Variants in GPC6 observed in about 807,000 individuals in gnomAD.
GPC6 encodes glypican 6.
GPC6 carries 14 observed loss-of-function variants against 55.2 expected under a neutral mutation model. The observed-to-expected ratio is 0.25, with a 90% CI of 0.17 to 0.40. GPC6 has a LOEUF of 0.40. Ranked by LOEUF, GPC6 falls within the 10% of genes least tolerant of loss-of-function variation. The pLI is 1.00. For synonymous variants in GPC6, 278 were observed against 259.6 expected (o/e 1.07, Z -0.68); for missense variants, 641 against 708.5 (o/e 0.90, Z 1.08).
chr13:94,306,107 C>A lies in GPC6; in HGVS notation c.1136C>A (p.Thr379Lys), dbSNP rs778146293. 6 of 1,614,070 alleles carry A rather than the reference C, an allele frequency of 3.7e-6. No individual in the cohort carries two copies. Among genetic ancestry groups the A allele is most frequent in the Admixed American group, 3.3e-5 (2 of 60,006 alleles). Residue 379 changes from threonine (T) to lysine (K), a missense_variant, in exon 6 of 9, where the codon ACA becomes AAA. Coordinates refer to ENST00000377047, the MANE Select transcript of GPC6 (RefSeq NM_005708.5). ...PEERPTTAAGTSLDRLVTDIK... is the reference protein window; with the variant it reads ...PEERPTTAAGKSLDRLVTDIK... ...GAAAGACCAACAACTGCTGCAGGCACAAGCTTGGACCGGCTGGTGAGTATT... is the reference window on the plus strand; with the variant it reads ...GAAAGACCAACAACTGCTGCAGGCAAAAGCTTGGACCGGCTGGTGAGTATT...
At chr13:94,212,916 G>T (rs1270301085) in intron 4 of GPC6, among the ~76,000 whole-genome samples, 1 of 152,318 alleles carries the variant, frequency 6.6e-6, no homozygotes, top group African/African-American at 2.4e-5. Context: ...CCAGCACTTT[G>T]GGAGGCCAAG....
intron 1 of GPC6, among the ~76,000 whole-genome samples, chr13:93,444,195 C>CTTTTTTTTTTTTTTTTTTT (rs10659977): frequency 9.0e-6 from 1 of 110,706 alleles, no homozygotes; most frequent in Non-Finnish European, 1.9e-5. Context: ...TGCAATTCTT[C>CTTTTTTTTTTTTTTTTTTT]TTTTTTTTTT....
At chr13:93,270,679 T>G (rs1030431222) in intron 1 of GPC6, among the ~76,000 whole-genome samples, 1 of 151,206 alleles carries the variant, frequency 6.6e-6, no homozygotes, top group African/African-American at 2.4e-5. Flanking sequence ...GTCCTAGCAT[T>G]TTCACATTTT....
At chr13:94,225,616 A>G (rs905208118) in intron 4 of GPC6, among the ~76,000 whole-genome samples, 4 of 151,810 alleles carry the variant, frequency 2.6e-5, no homozygotes, top group African/African-American at 9.7e-5. Context: ...TATACTCTTT[A>G]GAGAATATAG....
chr13:93,568,664 G>A (rs990976333), intron 2 of GPC6, among the ~76,000 whole-genome samples: 2 of 152,106 alleles, frequency 1.3e-5, no homozygotes, highest in Non-Finnish European at 1.5e-5. Context: ...AATCTAGCTC[G>A]GTGTGAGACC....
intron 3 of GPC6, among the ~76,000 whole-genome samples, chr13:94,004,029 G>A (rs1343405765): frequency 6.6e-6 from 1 of 152,158 alleles, no homozygotes; most frequent in Non-Finnish European, 1.5e-5. Flanking sequence ...ATAAAATAAA[G>A]TATGCTTAGG....
chr13:93,419,441 A>G (rs1876842071), intron 1 of GPC6, among the ~76,000 whole-genome samples: 2 of 152,190 alleles, frequency 1.3e-5, no homozygotes, highest in East Asian at 3.9e-4. Context: ...TAACATAGAA[A>G]GGTTGCTTGC....
At chr13:94,034,969 T>C (rs1883283770) in intron 4 of GPC6, among the ~76,000 whole-genome samples, 1 of 151,266 alleles carries the variant, frequency 6.6e-6, no homozygotes, top group Non-Finnish European at 1.5e-5. Flanking sequence ...GTACGACTTA[T>C]GCCTTATCAA....
chr13:93,285,615 G>GCT (rs1878086098), intron 1 of GPC6, among the ~76,000 whole-genome samples: 1 of 84,150 alleles, frequency 1.2e-5, no homozygotes, highest in African/African-American at 5.0e-5. Flanking sequence ...TGTATATACT[G>GCT]CTGTGTGTGT....
intron 6 of GPC6, among the ~76,000 whole-genome samples, chr13:94,334,000 T>C (rs962636135): frequency 2.6e-5 from 4 of 152,196 alleles, no homozygotes; most frequent in African/African-American, 7.2e-5. Flanking sequence ...AAGCCCCTTA[T>C]AGAAGAGCTC....
intron 3 of GPC6, among the ~76,000 whole-genome samples, chr13:94,004,700 G>A (rs1881941004): frequency 6.6e-6 from 1 of 152,132 alleles, no homozygotes; most frequent in African/African-American, 2.4e-5. Flanking sequence ...AGTGTAAAAT[G>A]CCAGGAAGGT....
intron 2 of GPC6, among the ~76,000 whole-genome samples, chr13:93,593,493 G>A (rs1276199368): frequency 6.6e-6 from 1 of 151,930 alleles, no homozygotes; most frequent in African/African-American, 2.4e-5. Flanking sequence ...TGTAATTGAA[G>A]GAAAAGATTT....
rs993028351 is a variant in GPC6 at position 93,749,494 on chromosome 13, T to C, written c.320-80660T>C. 9.9e-5 allele frequency among the ~76,000 whole-genome samples: 15 copies of C among 152,150 alleles called. No individual in the cohort carries two copies. The East Asian group carries it at 2.7e-3, about 27-fold the overall frequency. ...TATTTACTGAGTACTTTTCCTAGGA[T>C]AGGTCTTTTACAACACAATCTACCA... is the stretch of plus-strand genomic sequence containing the variant. On this transcript the variant is annotated intron_variant, in intron 2 of 8. Coordinates refer to ENST00000377047, the MANE Select transcript of GPC6 (RefSeq NM_005708.5).
At chr13:93,715,274 A>G (rs9524176) in intron 2 of GPC6, among the ~76,000 whole-genome samples, 38,432 of 151,632 alleles carry the variant, frequency 0.25, 5,689 homozygotes, top group East Asian at 0.47. Flanking sequence ...GGAATACTAC[A>G]CAGCCATAAA....
intron 3 of GPC6, among the ~76,000 whole-genome samples, chr13:93,935,660 G>A (rs1386585160): frequency 6.6e-6 from 1 of 152,100 alleles, no homozygotes; most frequent in Non-Finnish European, 1.5e-5. Context: ...ATTTCTGTTG[G>A]AGAGCACTAT....
intron 2 of GPC6, among the ~76,000 whole-genome samples, chr13:93,557,937 C>G (rs986067673): frequency 6.6e-6 from 1 of 151,942 alleles, no homozygotes; most frequent in African/African-American, 2.4e-5. Flanking sequence ...TTCTAGATGC[C>G]TTAAACAGTC....
At chr13:94,164,814 TAAAC>T (rs1434879468) in intron 4 of GPC6, among the ~76,000 whole-genome samples, 1 of 152,092 alleles carries the variant, frequency 6.6e-6, no homozygotes, top group East Asian at 1.9e-4. Flanking sequence ...TTTTACAAAA[TAAAC>T]TAACTAGGGA....
At chr13:94,015,240 G>A (rs1254386750) in intron 3 of GPC6, among the ~76,000 whole-genome samples, 2 of 152,256 alleles carry the variant, frequency 1.3e-5, no homozygotes, top group South Asian at 4.1e-4. Flanking sequence ...TTAATGGTGT[G>A]AAGCAGTATC....
intron 3 of GPC6, among the ~76,000 whole-genome samples, chr13:93,864,740 C>A (rs1217382745): frequency 6.6e-6 from 1 of 151,624 alleles, no homozygotes; most frequent in African/African-American, 2.4e-5. Context: ...TCAGGCTAAG[C>A]TAGTTGCATA....
Sources: gnomAD v4.1 joint callset for allele counts (sites outside exome capture counted in the v4.1 genomes callset) on GRCh38, gnomAD v4.1.1 for gene constraint, MANE v1.5 for transcripts, NCBI Gene and HGNC (gene_info 2026-07-23, HGNC 2026-07-21) for gene names.